Variants in WWTR1 observed in about 807,000 individuals in gnomAD.
WWTR1 encodes the protein WW domain-containing transcription regulator protein 1.
Under a neutral mutation model 40.1 loss-of-function variants are expected in WWTR1, and 13 were observed. The observed-to-expected ratio is 0.32, with a 90% CI of 0.21 to 0.52. WWTR1 has a LOEUF of 0.52. Among genes scored for constraint, WWTR1 ranks in the 20% least tolerant of loss-of-function variants. The pLI is 0.97. For synonymous variants in WWTR1, 230 were observed against 210.1 expected (o/e 1.09, Z -0.82); for missense variants, 436 against 523.1 (o/e 0.83, Z 1.63).
At chr3:149,601,657 C>T (rs1435619) in intron 2 of WWTR1, among the ~76,000 whole-genome samples, 3,809 of 152,200 alleles carry the variant, frequency 0.025, 140 homozygotes, top group African/African-American at 0.088. Context: ...AATTCTTCAA[C>T]ATGTAAAGTC....
At position 149,656,921 on chromosome 3, in the gene WWTR1, C is replaced by A; in HGVS notation, c.386G>T (p.Gly129Val). 1.3e-6 allele frequency: 2 copies of A among 1,561,742 alleles called. No homozygotes were observed. The highest frequency in any genetic ancestry group is 1.4e-5 in the African/African-American group (1 of 73,090). ...DVTDELPLPP[G>V]WEMTFTATGQ... ...AGTGGCCGTGAAGGTCATCTCCCAGCCCGGGGGCAGTGGCAGCTCGTCGGT... is the reference window on the plus strand; with the variant it reads ...AGTGGCCGTGAAGGTCATCTCCCAGACCGGGGGCAGTGGCAGCTCGTCGGT... The change falls in exon 2 of 7, where the codon GGC becomes GTC. Residue 129 changes from glycine to valine, a missense_variant. Physicochemically the swap from Gly to Val is moderately radical, Grantham distance 109. Transcript: ENST00000360632.
upstream of WWTR1, among the ~76,000 whole-genome samples, chr3:149,707,221 C>T (rs1251896203): frequency 6.6e-6 from 1 of 152,178 alleles, no homozygotes; most frequent in Non-Finnish European, 1.5e-5. Flanking sequence ...GGCCAGGCTT[C>T]ACTAGCACAT....
chr3:149,605,069 G>T (rs370295022), intron 2 of WWTR1, among the ~76,000 whole-genome samples: 18 of 152,312 alleles, frequency 1.2e-4, no homozygotes, highest in African/African-American at 4.1e-4. Flanking sequence ...CAGCACTAAA[G>T]GTCCAGAGGC....
At chr3:149,596,724 A>G (rs1739017795) in intron 2 of WWTR1, among the ~76,000 whole-genome samples, 1 of 152,230 alleles carries the variant, frequency 6.6e-6, no homozygotes, top group Admixed American at 6.5e-5. Context: ...ATCTTGTTTG[A>G]AGGTAAGATC....
chr3:149,722,314 G>T (rs1715773261), intron 4 of WWTR1, among the ~76,000 whole-genome samples: 1 of 147,014 alleles, frequency 6.8e-6, no homozygotes. Context: ...ACTTTTTCTA[G>T]TTTCTTAAGT....
intron 2 of WWTR1, among the ~76,000 whole-genome samples, chr3:149,585,156 T>TGTG (rs1357473754): frequency 1.7e-5 from 1 of 59,242 alleles, no homozygotes; most frequent in Non-Finnish European, 3.5e-5. Context: ...GTGTGTGTGT[T>TGTG]TAAGATGGAG....
At chr3:149,712,641 T>C (rs1346269581) in intron 5 of WWTR1, among the ~76,000 whole-genome samples, 3 of 152,212 alleles carry the variant, frequency 2.0e-5, no homozygotes, top group African/African-American at 7.2e-5. Flanking sequence ...ACCTTATGAA[T>C]AGGAATTTTG....
At chr3:149,620,197 T>A (rs909887565) in intron 2 of WWTR1, among the ~76,000 whole-genome samples, 1 of 152,164 alleles carries the variant, frequency 6.6e-6, no homozygotes, top group Non-Finnish European at 1.5e-5. Context: ...CTACACCAGA[T>A]TGCCTCCTCC....
At chr3:149,612,416 A>C (rs1739778387) in intron 2 of WWTR1, among the ~76,000 whole-genome samples, 1 of 151,888 alleles carries the variant, frequency 6.6e-6, no homozygotes, top group African/African-American at 2.4e-5. Flanking sequence ...ATACTTTGGC[A>C]GTTGGATCAT....
chr3:149,572,449 A>G lies in WWTR1; in HGVS notation c.568+415T>C, dbSNP rs144350305. Among the ~76,000 whole-genome samples the G allele has an allele frequency of 3.4e-3, 525 of 152,242 alleles. 1 individual carries two copies. The highest frequency in any genetic ancestry group is 0.012 in the African/African-American group (492 of 41,550). Reference sequence around the variant, plus strand: ...AGGCCTAACTGATTTTTCTACCCCAATTAAGGCCATTGGAGGGAAGGTCAG... The same window carrying G: ...AGGCCTAACTGATTTTTCTACCCCAGTTAAGGCCATTGGAGGGAAGGTCAG... On this transcript the variant is annotated intron_variant, in intron 3 of 6. Coordinates refer to ENST00000360632, the MANE Select transcript of WWTR1 (RefSeq NM_015472.6).
chr3:149,720,491 T>G (rs1446062339), intron 4 of WWTR1, among the ~76,000 whole-genome samples: 1 of 152,212 alleles, frequency 6.6e-6, no homozygotes, highest in Non-Finnish European at 1.5e-5. Flanking sequence ...GTGGTCTTTA[T>G]GCCACTACCA....
intron 2 of WWTR1, among the ~76,000 whole-genome samples, chr3:149,607,318 T>C (rs1173302755): frequency 6.6e-6 from 1 of 152,104 alleles, no homozygotes; most frequent in Admixed American, 6.6e-5. Flanking sequence ...TTTGACATAG[T>C]TCTTTTCTTT....
At chr3:149,651,084 G>A (rs1712838110) in intron 2 of WWTR1, among the ~76,000 whole-genome samples, 2 of 152,092 alleles carry the variant, frequency 1.3e-5, no homozygotes, top group South Asian at 4.1e-4. Context: ...CAATGCAACA[G>A]GTATCACTCT....
At chr3:149,538,985 T>C (rs1735958333) in intron 4 of WWTR1, among the ~76,000 whole-genome samples, 1 of 152,236 alleles carries the variant, frequency 6.6e-6, no homozygotes, top group Non-Finnish European at 1.5e-5. Context: ...AAAAAAAATA[T>C]GAGCTTCCAT....
rs115568449 is a variant in WWTR1, at chr3:149,579,385, C to T, written c.432-6385G>A. Among the ~76,000 whole-genome samples, 1,276 of 152,302 alleles carry T rather than the reference C, an allele frequency of 8.4e-3. 25 individuals are homozygous for T. The highest frequency in any genetic ancestry group is 0.028 in the African/African-American group (1,177 of 41,556). On this transcript the variant is annotated intron_variant, in intron 2 of 6. Coordinates refer to ENST00000360632, the MANE Select transcript of WWTR1 (RefSeq NM_015472.6). The stretch of plus-strand genomic sequence containing the variant: ...CCTGGGGTCATAAAACCAAGGCAGA[C>T]TGGTTTAAAACTCAATCATACTCAC...
At chr3:149,522,270 C>T (rs961114127) in intron 6 of WWTR1, among the ~76,000 whole-genome samples, 9 of 152,074 alleles carry the variant, frequency 5.9e-5, no homozygotes, top group African/African-American at 1.9e-4. Context: ...GCAAAATTGC[C>T]GAAAGTTCAC....
intron 2 of WWTR1, among the ~76,000 whole-genome samples, chr3:149,610,622 C>T (rs1461945799): frequency 2.6e-5 from 4 of 152,192 alleles, no homozygotes; most frequent in African/African-American, 7.2e-5. Flanking sequence ...AGAAAAGATG[C>T]CTTCTCTCCT....
At chr3:149,629,061 C>T (rs940556169) in intron 2 of WWTR1, among the ~76,000 whole-genome samples, 1 of 152,240 alleles carries the variant, frequency 6.6e-6, no homozygotes, top group Non-Finnish European at 1.5e-5. Context: ...GCATCAGCCA[C>T]TGTGCCCATC....
intron 2 of WWTR1, among the ~76,000 whole-genome samples, chr3:149,616,429 CCTCT>C (rs781571623): frequency 1.8e-4 from 28 of 151,392 alleles, no homozygotes; most frequent in African/African-American, 4.6e-4. Context: ...AAATGGCTGT[CCTCT>C]CTCTCTCTCT....
Sources: allele counts gnomAD v4.1 joint callset (sites outside exome capture counted in the v4.1 genomes callset), GRCh38; gene constraint gnomAD v4.1.1; transcripts MANE v1.5; gene names NCBI Gene and HGNC (gene_info 2026-07-23, HGNC 2026-07-21).